PI4K2A: variants seen among roughly 807,000 people sequenced by gnomAD.
The protein encoded by PI4K2A is phosphatidylinositol 4-kinase type 2-alpha.
In PI4K2A, 20 loss-of-function variants were observed where a neutral mutation model predicts 55.0. That is an observed-to-expected ratio of 0.36 (90% CI 0.26 to 0.53). The LOEUF (loss-of-function observed/expected upper bound fraction) is 0.53. PI4K2A is among the 20% of genes least tolerant of loss of function. PI4K2A has a pLI of 0.91. For synonymous variants in PI4K2A, 235 were observed against 258.5 expected, an observed-to-expected ratio of 0.91 and a Z score of 0.87; for missense variants, 463 against 637.1, an observed-to-expected ratio of 0.73 and a Z score of 2.94.
chr10:97,651,302 G>A (rs1275655145), intron 2 of PI4K2A, among the ~76,000 whole-genome samples, 161 bp downstream of exon 2: 1 of 152,198 alleles, frequency 6.6e-6, no homozygotes. Context: ...TTAGGCTTAT[G>A]ATTTGATCAC....
Position 97,656,973 on chromosome 10 carries a change from T to C in PI4K2A, c.921T>C (p.Thr307=), listed in dbSNP as rs1163080840. ...TGCTGGATTACATCATCCGCAACAC[T>C]GGTGAGCAGCTGCAGGTGGTCCCAT... is the stretch of plus-strand genomic sequence containing the variant. The change falls in exon 4 of 9, where the codon ACT becomes ACC. Residue 307 remains threonine, a splice_region_variant and synonymous_variant. Coordinates refer to ENST00000370631, the Ensembl canonical transcript of PI4K2A. The surrounding 1 kb of genome is among the most constrained non-coding windows in gnomAD (Gnocchi z 4.5). 6.2e-7 allele frequency: 1 copy of C among 1,614,024 alleles called. No homozygotes were observed. The highest frequency in any genetic ancestry group is 8.5e-7 in the Non-Finnish European group (1 of 1,180,006).
At chr10:97,641,547 C>T (rs1020774006) in intron 1 of PI4K2A, among the ~76,000 whole-genome samples, 2 of 152,120 alleles carry the variant, frequency 1.3e-5, no homozygotes, top group African/African-American at 4.8e-5. Context: ...GGGCTTTAGG[C>T]CTGTTCTCTC....
chr10:97,666,293 A>G (rs980554786), intron 6 of PI4K2A, 145 bp from the exon 7 acceptor site: 60 of 676,438 alleles, frequency 8.9e-5, no homozygotes, highest in Non-Finnish European at 1.4e-4. Flanking sequence ...TAACCTTTAC[A>G]GTTAAGAGCA....
intron 5 of PI4K2A, among the ~76,000 whole-genome samples, chr10:97,664,001 G>A (rs948249210): frequency 6.6e-6 from 1 of 152,100 alleles, no homozygotes; most frequent in Non-Finnish European, 1.5e-5. Flanking sequence ...GTTTTGTAGA[G>A]ATGAGGTCTT....
intron 8 of PI4K2A, among the ~76,000 whole-genome samples, chr10:97,673,148 G>C (rs963403179): frequency 6.6e-6 from 1 of 151,840 alleles, no homozygotes; most frequent in Admixed American, 6.6e-5. Context: ...CACCACGGTC[G>C]GCTAATTTTT....
rs562519552 is a variant in PI4K2A at position 97,660,985 on chromosome 10, A to G, written c.923-1922A>G. 1.3e-4 allele frequency among the ~76,000 whole-genome samples: 19 copies of G among 150,560 alleles called. No homozygotes were observed. The East Asian group carries it at 3.5e-3, about 28-fold the overall frequency. On this transcript the variant is annotated intron_variant, in intron 4 of 8. Coordinates refer to ENST00000370631, the Ensembl canonical transcript of PI4K2A. ...GACTGGAACTGCTGGATTTTTTAAA[A>G]TTTATTTTTATTTTATATTTTTTGG...
At position 97,666,999 on chromosome 10, in the gene PI4K2A, A is replaced by C; in HGVS notation, c.1219-62A>C. ...TTCTTAGAAAGTTTCTAACTGGGGG[A>C]GAAAATGGGTTCCTGTGAGGCATTC... On this transcript the variant is annotated intron_variant, in intron 7 of 8. Coordinates refer to ENST00000370631, the Ensembl canonical transcript of PI4K2A. 28 of 1,290,644 alleles carry C rather than the reference A, an allele frequency of 2.2e-5. No homozygotes were observed. The South Asian group carries it at 3.1e-4, about 14-fold the overall frequency. The allele number at this position is 1,290,644 out of a possible 1,614,324, so 79.9% of individuals were successfully genotyped here. A position where few individuals can be genotyped will look rare whatever the true frequency, so the allele number is the denominator to read the frequency against.
At chr10:97,644,120 G>A (rs1237253139) in intron 1 of PI4K2A, among the ~76,000 whole-genome samples, 1 of 152,208 alleles carries the variant, frequency 6.6e-6, no homozygotes, top group East Asian at 1.9e-4. Context: ...GGAGGCCGAG[G>A]CAGGCGCATC....
intron 1 of PI4K2A, among the ~76,000 whole-genome samples, chr10:97,642,914 TTCCTTCCTTC>T: frequency 7.2e-6 from 1 of 138,862 alleles, no homozygotes; most frequent in Admixed American, 7.1e-5. Flanking sequence ...CCTTCCTTCC[TTCCTTCCTTC>T]CTTTCTTTCC....
Position 97,664,974 on chromosome 10 carries a change from C to T in PI4K2A, c.1074C>T (p.Ser358=), listed in dbSNP as rs747403306. The change falls in exon 6 of 9, where the codon TCC becomes TCT. Residue 358 remains serine (S), a synonymous_variant. Transcript: ENST00000370631. ...CCTTCCCACTGAAGCATCCTGACTC[C>T]TGGAGGGCATGTAAGTCTCCAGACA... 4 of 1,609,584 alleles carry T rather than the reference C, an allele frequency of 2.5e-6. No individual in the cohort carries two copies. The South Asian group carries it at 3.3e-5, about 13-fold the overall frequency.
At chr10:97,672,091 G>A (rs942569766) in intron 8 of PI4K2A, among the ~76,000 whole-genome samples, 5 of 150,608 alleles carry the variant, frequency 3.3e-5, no homozygotes, top group African/African-American at 7.3e-5. Context: ...TTGCCAGGCT[G>A]GAGTGCAGTG....
chr10:97,666,292 C>T (rs2041609085), intron 6 of PI4K2A, 146 bp from the exon 7 acceptor site: 5 of 672,528 alleles, frequency 7.4e-6, no homozygotes, highest in Middle Eastern at 4.2e-4. Flanking sequence ...GTAACCTTTA[C>T]AGTTAAGAGC....
chr10:97,642,377 G>C (rs971695916), intron 1 of PI4K2A, among the ~76,000 whole-genome samples: 27 of 151,290 alleles, frequency 1.8e-4, no homozygotes, highest in African/African-American at 6.6e-4. Flanking sequence ...CGAGTAATAA[G>C]TCTTTCGAAG....
chr10:97,662,722 T>C (rs2041591640), intron 4 of PI4K2A, among the ~76,000 whole-genome samples, 185 bp from the exon 5 acceptor site: 2 of 152,210 alleles, frequency 1.3e-5, no homozygotes, highest in African/African-American at 2.4e-5. Context: ...ATCTTCACTC[T>C]TAAATCCTTT....
intron 1 of PI4K2A, among the ~76,000 whole-genome samples, chr10:97,650,285 T>TTTTTTTTA (rs1258102747): frequency 6.8e-6 from 1 of 146,400 alleles, no homozygotes; most frequent in African/African-American, 2.6e-5. Context: ...TACCTTTTTT[T>TTTTTTTTA]TTTTTTTTTG....
intron 8 of PI4K2A, among the ~76,000 whole-genome samples, chr10:97,672,451 T>G (rs1378995305): frequency 2.0e-5 from 3 of 152,136 alleles, no homozygotes; most frequent in Non-Finnish European, 4.4e-5. Flanking sequence ...AAAAGTGGGG[T>G]CACAATCTAA....
At chr10:97,663,142 A>T (rs979855073) in intron 5 of PI4K2A, among the ~76,000 whole-genome samples, 174 bp downstream of exon 5, 1 of 152,266 alleles carries the variant, frequency 6.6e-6, no homozygotes, top group Non-Finnish European at 1.5e-5. Flanking sequence ...TTTCAAGGAC[A>T]TCCTACTGAC....
chr10:97,642,848 TTC>T (rs879930009), intron 1 of PI4K2A, among the ~76,000 whole-genome samples: 6,827 of 28,462 alleles, frequency 0.24, 945 homozygotes, highest in South Asian at 0.33. Context: ...CCTTCCTTCC[TTC>T]CTTTCTTTCT....
At chr10:97,642,115 G>A (rs2041472781) in intron 1 of PI4K2A, among the ~76,000 whole-genome samples, 1 of 152,128 alleles carries the variant, frequency 6.6e-6, no homozygotes. Context: ...TTAAATTATG[G>A]GTGTCAAAGT....
Sources: gnomAD v4.1 joint callset for allele counts (sites outside exome capture counted in the v4.1 genomes callset) on GRCh38, gnomAD v4.1.1 for gene constraint, Gnocchi (gnomAD v3.1) non-coding constraint, MANE v1.5 for transcripts, NCBI Gene and HGNC (gene_info 2026-07-23, HGNC 2026-07-21) for gene names.